The following PCDHA9 variants were observed in gnomAD, a reference collection of about 807,000 sequenced individuals.
PCDHA9 encodes protocadherin alpha-9.
PCDHA9 carries 62 observed loss-of-function variants against 62.0 expected under a neutral mutation model. The observed-to-expected ratio is 1.00, with a 90% confidence interval of 0.81 to 1.23. PCDHA9 has a LOEUF of 1.23. PCDHA9 is among the 50% of genes most tolerant of loss of function. PCDHA9 has a pLI of 0.00. For missense variants in PCDHA9, 1,205 were observed against 1,249.8 expected, an observed-to-expected ratio of 0.96 and a Z score of 0.54; for synonymous variants, 557 against 567.6, an observed-to-expected ratio of 0.98 and a Z score of 0.27.
chr5:140,949,976 TACTTA>T (rs2094437494), intron 1 of PCDHA9, among the ~76,000 whole-genome samples: 1 of 151,940 alleles, frequency 6.6e-6, no homozygotes, highest in Admixed American at 6.6e-5. Flanking sequence ...ACAGCATACA[TACTTA>T]ACTTTTCTCA....
intron 3 of PCDHA9, among the ~76,000 whole-genome samples, chr5:140,998,895 A>G (rs545479952): frequency 1.3e-4 from 20 of 152,354 alleles, no homozygotes; most frequent in Non-Finnish European, 1.8e-4. Flanking sequence ...ATAAATAACA[A>G]TGCCTCCGGG....
chr5:140,861,502 T>A, intron 1 of PCDHA9: 1 of 482,002 alleles, frequency 2.1e-6, no homozygotes. Context: ...CTGATAGACC[T>A]CGAGGAGCTG....
intron 2 of PCDHA9, among the ~76,000 whole-genome samples, chr5:140,981,395 G>A (rs928966988): frequency 5.2e-4 from 79 of 152,210 alleles, no homozygotes; most frequent in African/African-American, 1.9e-3. Context: ...TCAATATGGT[G>A]AAAACCTGTC....
rs782133089 is a variant in PCDHA9, at chr5:140,924,894, CAAA to C, written c.2395-54046_2395-54044del. Reference sequence around the variant, plus strand: ...TGGGTGACAGAGCAAGAACCTGTCTCAAAAAAAAAAATAAAATAAAATAAAATA... The same window carrying C: ...TGGGTGACAGAGCAAGAACCTGTCTCAAAAAAAATAAAATAAAATAAAATA... On this transcript the variant is annotated intron_variant, in intron 1 of 3. Transcript: ENST00000532602. Among the ~76,000 whole-genome samples the C allele has an allele frequency of 6.8e-3, 488 of 71,480 alleles. 13 individuals carry two copies. Among genetic ancestry groups the C allele is most frequent in the East Asian group, 0.051 (79 of 1,534 alleles). The allele number at this position is 71,480 out of a possible 152,430, so 46.9% of individuals were successfully genotyped here. A position where few individuals can be genotyped will look rare whatever the true frequency, so the allele number is the denominator to read the frequency against.
chr5:140,911,165 G>A (rs931843921), intron 1 of PCDHA9, among the ~76,000 whole-genome samples: 3 of 152,178 alleles, frequency 2.0e-5, no homozygotes, highest in Non-Finnish European at 4.4e-5. Context: ...AATGTGGAAA[G>A]GCTGATGGCA....
intron 1 of PCDHA9, among the ~76,000 whole-genome samples, chr5:140,911,873 A>G (rs980533422): frequency 7.2e-5 from 11 of 152,038 alleles, no homozygotes; most frequent in African/African-American, 2.7e-4. Flanking sequence ...TTCTGGAACC[A>G]CTCCTGGGAC....
At chr5:140,858,366 G>A (rs2045372675) in intron 1 of PCDHA9, 1 of 1,590,834 alleles carries the variant, frequency 6.3e-7, no homozygotes, top group Admixed American at 1.7e-5. Flanking sequence ...TTCAGCCCCA[G>A]CCTTCCACCA....
rs199940622 is a variant in PCDHA9, at chr5:140,870,517, C to T, written c.2394+19628C>T. ...GAAGGAGAACAACCCACCAGGCTGCCACATCTTCACAGTGTCGGCGCGGGA... is the reference window on the plus strand; with the variant it reads ...GAAGGAGAACAACCCACCAGGCTGCTACATCTTCACAGTGTCGGCGCGGGA... On this transcript the variant is annotated intron_variant, in intron 1 of 3. Coordinates refer to ENST00000532602, the MANE Select transcript of PCDHA9 (RefSeq NM_031857.2). The T allele has an allele frequency of 6.8e-6, 11 of 1,614,224 alleles. No homozygotes were observed. Among genetic ancestry groups the T allele is most frequent in the Non-Finnish European group, 9.3e-6 (11 of 1,180,048 alleles).
intron 1 of PCDHA9, chr5:140,870,384 G>A: frequency 6.2e-7 from 1 of 1,614,230 alleles, no homozygotes; most frequent in African/African-American, 1.3e-5. Context: ...TGACTGCGCG[G>A]GATGGGGGTT....
intron 1 of PCDHA9, among the ~76,000 whole-genome samples, chr5:140,874,496 T>G (rs1352627184): frequency 3.9e-5 from 6 of 152,214 alleles, no homozygotes; most frequent in African/African-American, 1.4e-4. Context: ...TGATATCAAG[T>G]TCACATTCTC....
intron 1 of PCDHA9, chr5:140,863,282 A>T (rs782183211): frequency 6.8e-7 from 1 of 1,461,396 alleles, no homozygotes; most frequent in East Asian, 3.4e-5. Context: ...GTGGATGTCA[A>T]CGTGTACCTG....
intron 3 of PCDHA9, among the ~76,000 whole-genome samples, chr5:140,994,425 G>A (rs769335292): frequency 5.3e-5 from 8 of 152,118 alleles, no homozygotes; most frequent in African/African-American, 1.7e-4. Context: ...TATTGAGGCC[G>A]GGCGCAGTGG....
intron 1 of PCDHA9, among the ~76,000 whole-genome samples, chr5:140,887,101 C>CTT (rs200717289): frequency 4.1e-5 from 6 of 145,304 alleles, no homozygotes; most frequent in African/African-American, 1.0e-4. Context: ...ATCTTTATCT[C>CTT]TTTTTTTTTT....
At chr5:141,000,939 A>G (rs551872377) in intron 3 of PCDHA9, among the ~76,000 whole-genome samples, 2 of 152,294 alleles carry the variant, frequency 1.3e-5, no homozygotes, top group East Asian at 3.9e-4. Context: ...ATTTAGGACA[A>G]ATTATCTTGC....
At chr5:140,968,345 G>A in intron 1 of PCDHA9, 2 of 1,614,132 alleles carry the variant, frequency 1.2e-6, no homozygotes, top group Non-Finnish European at 8.5e-7. Flanking sequence ...CATTAACAGT[G>A]CCAGTGGCAG....
At chr5:140,897,258 G>A (rs1008292814) in intron 1 of PCDHA9, among the ~76,000 whole-genome samples, 1 of 151,682 alleles carries the variant, frequency 6.6e-6, no homozygotes, top group African/African-American at 2.4e-5. Flanking sequence ...ATGTATACAT[G>A]TGCCATGCTG....
At chr5:140,887,473 G>T (rs574265811) in intron 1 of PCDHA9, among the ~76,000 whole-genome samples, 10 of 152,222 alleles carry the variant, frequency 6.6e-5, no homozygotes, top group African/African-American at 2.4e-4. Flanking sequence ...TAATTCAGTT[G>T]TCTTCTGGCT....
rs2150455221 is a variant in PCDHA9 at position 140,849,869 on chromosome 5, C to T, written c.1374C>T (p.Ser458=). 12 of 1,598,574 alleles carry T rather than the reference C, an allele frequency of 7.5e-6. No homozygotes were observed. In the South Asian group the frequency reaches 8.8e-5, roughly 12 times the overall value. ...ACAACGCACCAGCGTTCGCGCAGTC[C>T]GAGTACACGGTGTTCGTGAAGGAGA... The part of the protein sequence containing the change: ...VNDNAPAFAQ[S]EYTVFVKENN... Residue 458 remains serine, a synonymous_variant, in exon 1 of 4, where the codon TCC becomes TCT. Transcript: ENST00000532602.
chr5:140,965,591 C>T (rs1440117062), intron 1 of PCDHA9, among the ~76,000 whole-genome samples: 1 of 151,692 alleles, frequency 6.6e-6, no homozygotes, highest in Non-Finnish European at 1.5e-5. Context: ...AATGGTTTTG[C>T]AGACTCTTGA....
Sources: allele counts gnomAD v4.1 joint callset (sites outside exome capture counted in the v4.1 genomes callset), GRCh38; gene constraint gnomAD v4.1.1; transcripts MANE v1.5; gene names NCBI Gene and HGNC (gene_info 2026-07-23, HGNC 2026-07-21).